USP36: variants seen among roughly 807,000 people sequenced by gnomAD.
USP36 encodes ubiquitin specific peptidase 36.
A neutral mutation model predicts 111.5 loss-of-function variants in USP36; 59 were observed. The observed-to-expected ratio is 0.53, with a 90% CI of 0.43 to 0.66. USP36 has a LOEUF of 0.66. Ranked by LOEUF, USP36 falls within the 30% of genes least tolerant of loss-of-function variation. The pLI, the probability that USP36 is intolerant of heterozygous loss-of-function variation, is 0.00. For synonymous variants in USP36, 628 were observed against 581.0 expected (o/e 1.08, Z -1.16); for missense variants, 1,488 against 1,468.0 (o/e 1.01, Z -0.22).
At chr17:78,824,845 A>G (rs1022630404) in intron 6 of USP36, among the ~76,000 whole-genome samples, 1 of 152,184 alleles carries the variant, frequency 6.6e-6, no homozygotes, top group African/African-American at 2.4e-5. Context: ...GCCGGCGGAA[A>G]CCCTGCAAAA....
chr17:78,823,899 C>T (rs1395904742), intron 6 of USP36, among the ~76,000 whole-genome samples: 2 of 152,208 alleles, frequency 1.3e-5, no homozygotes, highest in Non-Finnish European at 2.9e-5. Flanking sequence ...CCAGCCGACC[C>T]ACAAGATAAA....
chr17:78,817,430 G>A (rs2094214033), intron 10 of USP36, among the ~76,000 whole-genome samples: 1 of 152,190 alleles, frequency 6.6e-6, no homozygotes, highest in South Asian at 2.1e-4. Flanking sequence ...ACATAACCAG[G>A]CTCTCAGAAC....
downstream of USP36, among the ~76,000 whole-genome samples, chr17:78,792,702 C>A (rs188544356): frequency 6.6e-6 from 1 of 151,772 alleles, no homozygotes; most frequent in African/African-American, 2.4e-5. Context: ...CACTATGATC[C>A]CCCCGGGAAG....
intron 4 of USP36, among the ~76,000 whole-genome samples, chr17:78,833,666 C>T (rs1949588499): frequency 6.6e-6 from 1 of 152,316 alleles, no homozygotes; most frequent in East Asian, 1.9e-4. Flanking sequence ...CTGCTCTGCT[C>T]CCTCCAGAAT....
chr17:78,822,920 C>G (rs1599063159), intron 6 of USP36, among the ~76,000 whole-genome samples: 1 of 152,158 alleles, frequency 6.6e-6, no homozygotes, highest in Admixed American at 6.5e-5. Flanking sequence ...AGAGCTTCCC[C>G]TCTCCCCAGG....
At position 78,803,535 on chromosome 17, in the gene USP36, C is replaced by G. The variant is rs61760231; in HGVS notation, c.2660G>C (p.Arg887Pro). The change falls in exon 16 of 21, where the codon CGG becomes CCG. Residue 887 changes from arginine (R) to proline (P), a missense_variant. Coordinates refer to ENST00000449938, the MANE Select transcript of USP36 (RefSeq NM_001385174.1). The surrounding 1 kb of genome is among the most constrained non-coding windows in gnomAD (Gnocchi z 4.6). ...EGQAQLPAVR[R>P]QEDGTQPQVN... ...CTGTGGCTGTGTGCCATCTTCCTGC[C>G]GTCTGACAGCGGGCAGCTGTGCCTG... 2.6e-3 allele frequency: 4,136 copies of G among 1,613,752 alleles called. 95 individuals carry two copies. In the African/African-American group the frequency reaches 0.049, roughly 19 times the overall value.
intron 14 of USP36, among the ~76,000 whole-genome samples, chr17:78,806,710 TTGCCCAAACCTCCA>T (rs2093911738): frequency 6.6e-6 from 1 of 152,312 alleles, no homozygotes; most frequent in Middle Eastern, 3.4e-3. Flanking sequence ...AACTGCTACC[TTGCCCAAACCTCCA>T]TGAGTCACAT....
Position 78,807,086 on chromosome 17 carries a change from G to A in USP36, c.1958C>T (p.Thr653Met), listed in dbSNP as rs143765903. 4.2e-5 allele frequency: 68 copies of A among 1,614,240 alleles called. No homozygotes were observed. The highest frequency in any genetic ancestry group is 3.9e-4 in the African/African-American group (29 of 75,060). Residue 653 changes from threonine to methionine, a missense_variant, in exon 14 of 21, where the codon ACG becomes ATG. Thr to Met is a moderately conservative substitution (Grantham distance 81). Coordinates refer to ENST00000449938, the MANE Select transcript of USP36 (RefSeq NM_001385174.1). ...TNCSTAGHSK[T>M]PPSGADSKTV... ...CTTAGAATCTGCTCCACTTGGCGGC[G>A]TTTTGGAGTGGCCAGCGGTGGAACA... is the stretch of plus-strand genomic sequence containing the variant.
At chr17:78,795,294 G>C (rs959168718), downstream of USP36, among the ~76,000 whole-genome samples, 2 of 152,210 alleles carry the variant, frequency 1.3e-5, no homozygotes, top group Admixed American at 6.5e-5. The surrounding 1 kb of genome is among the most constrained non-coding windows in gnomAD (Gnocchi z 4.5). Flanking sequence ...AACCCCTAAA[G>C]AGAAGCGAAG....
chr17:78,812,865 C>T lies in USP36; in HGVS notation c.1402G>A (p.Gly468Arg). 6.2e-7 allele frequency: 1 copy of T among 1,613,330 alleles called. No individual in the cohort carries two copies. The highest frequency in any genetic ancestry group is 8.5e-7 in the Non-Finnish European group (1 of 1,179,940). The change falls in exon 13 of 21, where the codon GGA becomes AGA. Residue 468 changes from glycine to arginine, a missense_variant. Around this residue, in one of 3 missense-constraint regions of USP36, gnomAD observed 1,073 missense variants for 994.1 expected, o/e 1.08. Transcript: ENST00000449938. ...TCCATCATTCTCACAAATACCTTTCCAGTCAGTGGGGAGGAAATAATCCCA... is the reference window on the plus strand; with the variant it reads ...TCCATCATTCTCACAAATACCTTTCTAGTCAGTGGGGAGGAAATAATCCCA... ...GNGIISSPLT[G>R]KRQDSGTMKK... is the part of the protein sequence containing the mutation.
rs1451838165 is a variant in USP36, at chr17:78,827,292, C to T, written c.642G>A (p.Arg214=). 6.2e-7 allele frequency: 1 copy of T among 1,614,018 alleles called. No individual in the cohort carries two copies. Residue 214 remains arginine (R), a synonymous_variant, in exon 6 of 21, where the codon CGG becomes CGA. Transcript: ENST00000449938. ...GNQEDAHEFL[R]YTIDAMQKAC... Reference sequence around the variant, plus strand: ...CTTTCTGCATGGCGTCGATGGTGTACCGCAGGAACTCATGCGCGTCCTCCT... The same window carrying T: ...CTTTCTGCATGGCGTCGATGGTGTATCGCAGGAACTCATGCGCGTCCTCCT...
In USP36 at chr17:78,820,000, T is replaced by C. The variant is rs1292136509; in HGVS notation, c.841A>G (p.Ile281Val). The C allele has an allele frequency of 5.6e-6, 9 of 1,614,078 alleles. No homozygotes were observed. Among genetic ancestry groups the C allele is most frequent in the Non-Finnish European group, 7.6e-6 (9 of 1,179,978 alleles). ...ACAAAAAGTTCCAGAGCACGCACAA[T>C]ATTCGCAGCTTGCTGAGGAGGACAA... is the stretch of plus-strand genomic sequence containing the variant. ...VALEIRQAAN[I>V]VRALELFVKA... Residue 281 changes from isoleucine to valine, a missense_variant, in exon 9 of 21, where the codon ATT (isoleucine) becomes GTT (valine). Transcript: ENST00000449938.
At chr17:78,805,393 G>GAGTA (rs993393069) in intron 15 of USP36, among the ~76,000 whole-genome samples, 1 of 152,164 alleles carries the variant, frequency 6.6e-6, no homozygotes, top group African/African-American at 2.4e-5. Context: ...TGTGAGAGGA[G>GAGTA]AGTAAGGCAG....
intron 17 of USP36, among the ~76,000 whole-genome samples, chr17:78,800,544 A>G (rs542295439): frequency 1.1e-4 from 16 of 152,230 alleles, no homozygotes; most frequent in African/African-American, 3.4e-4. Context: ...CCTGCCTCCA[A>G]TTCCTCAGTG....
At chr17:78,821,570 G>C (rs1354636075) in intron 7 of USP36, among the ~76,000 whole-genome samples, 1 of 151,328 alleles carries the variant, frequency 6.6e-6, no homozygotes, top group Non-Finnish European at 1.5e-5. Flanking sequence ...TGGGATTGCA[G>C]GCATGTGCCA....
chr17:78,798,146 C>T lies in USP36; in HGVS notation c.*20+254G>A. 1 of 505,276 alleles carries T rather than the reference C, an allele frequency of 2.0e-6. No individual in the cohort carries two copies. The highest frequency in any genetic ancestry group is 2.7e-5 in the South Asian group (1 of 37,336). The allele number at this position is 505,276 out of a possible 1,614,324, so 31.3% of individuals were successfully genotyped here. On this transcript the variant is annotated intron_variant, in intron 20 of 20. Transcript: ENST00000449938. This position sits in a 1 kb window ranked among gnomAD's most constrained non-coding sequence, Gnocchi z 5.1. ...GTACACACCCCACACCCAACACACA[C>T]TACACACACCCCCTTATACACACGC...
intron 1 of USP36, among the ~76,000 whole-genome samples, chr17:78,839,837 A>G (rs1730866953): frequency 6.6e-6 from 1 of 152,020 alleles, no homozygotes; most frequent in Non-Finnish European, 1.5e-5. Context: ...ACTCTACCCA[A>G]CTCAGGAAGG....
At position 78,835,459 on chromosome 17, in the gene USP36, GC is replaced by G. The variant is rs750329115; in HGVS notation, c.295del (p.Ala99ProfsTer14). 6.2e-7 allele frequency: 1 copy of G among 1,612,476 alleles called. No homozygotes were observed. Among genetic ancestry groups the G allele is most frequent in the Non-Finnish European group, 8.5e-7 (1 of 1,179,220 alleles). ...CGTGGGGAAAAGCACTTTCTGCGGGGCTGGGACTCCGTCACCACAGCTCTCA... is the reference window on the plus strand; with the variant it reads ...CGTGGGGAAAAGCACTTTCTGCGGGGTGGGACTCCGTCACCACAGCTCTCA... ...TYESCGDGVPAPQKVLFPTER... is the reference protein window; with the variant it reads ...TYESCGDGVPXPQKVLFPTER... On this transcript the variant is annotated frameshift_variant, in exon 4 of 21. Coordinates refer to ENST00000449938, the MANE Select transcript of USP36 (RefSeq NM_001385174.1). LOFTEE classifies it high-confidence loss of function.
At chr17:78,819,166 G>T in intron 9 of USP36, 1 of 185,728 alleles carries the variant, frequency 5.4e-6, no homozygotes, top group Non-Finnish European at 1.1e-5. Flanking sequence ...CGCAAACACA[G>T]GGAGAGAAAA....
Sources: allele counts gnomAD v4.1 joint callset (sites outside exome capture counted in the v4.1 genomes callset), GRCh38; gene constraint gnomAD v4.1.1; regional missense constraint gnomAD v4.1.1; non-coding constraint Gnocchi (gnomAD v3.1); transcripts MANE v1.5; gene names NCBI Gene and HGNC (gene_info 2026-07-23, HGNC 2026-07-21).